MTF2: variants seen among roughly 807,000 people sequenced by gnomAD.
The protein encoded by MTF2 is metal response element binding transcription factor 2, also known as metal-response element-binding transcription factor 2.
A neutral mutation model predicts 79.5 loss-of-function variants in MTF2; 11 were observed. The ratio of observed to expected loss-of-function variants is 0.14; its 90% CI spans 0.09 to 0.23. MTF2 has a LOEUF of 0.23. Ranked by LOEUF, MTF2 falls within the 10% of genes least tolerant of loss-of-function variation. The pLI is 1.00. For missense variants in MTF2, 486 were observed against 711.2 expected (o/e 0.68, Z 3.60); for synonymous variants, 208 against 232.8 (o/e 0.89, Z 0.97).
chr1:93,134,169 C>T lies in MTF2; in HGVS notation c.1398C>T (p.Thr466=). ...GTGCTTCCAGTGCAAAAGAAACTAC[C>T]TCGTCTAGCATTTCCAGGCATTATG... ...FTGASSAKET[T]SSSISRHYGL... The change falls in exon 14 of 15, where the codon ACC becomes ACT. Residue 466 remains threonine, a synonymous_variant. Transcript: ENST00000370298. The T allele has an allele frequency of 1.2e-6, 2 of 1,611,842 alleles. No individual in the cohort carries two copies. The highest frequency in any genetic ancestry group is 8.5e-7 in the Non-Finnish European group (1 of 1,178,330).
chr1:93,129,632 T>A (rs1656840045), intron 11 of MTF2, among the ~76,000 whole-genome samples, 184 bp downstream of exon 11: 2 of 151,894 alleles, frequency 1.3e-5, no homozygotes, highest in South Asian at 4.2e-4. Flanking sequence ...CAGATGCTTG[T>A]TTATTTATTT....
At chr1:93,115,414 A>T in intron 5 of MTF2, 56 bp from the exon 6 acceptor site, 20 of 1,264,940 alleles carry the variant, frequency 1.6e-5, no homozygotes, top group East Asian at 2.5e-5. Flanking sequence ...TAAAGTATAG[A>T]ATTGTGTTTA....
intron 1 of MTF2, among the ~76,000 whole-genome samples, chr1:93,102,396 T>G (rs548543846): frequency 1.3e-5 from 2 of 151,818 alleles, no homozygotes; most frequent in South Asian, 2.1e-4. Context: ...CTCAGGAGTT[T>G]GAGACCTGCT....
At chr1:93,108,116 A>G (rs1655879740) in intron 1 of MTF2, among the ~76,000 whole-genome samples, 2 of 152,130 alleles carry the variant, frequency 1.3e-5, no homozygotes, top group South Asian at 2.1e-4. Flanking sequence ...TTTTGCTCCT[A>G]CATACTTCCT....
intron 8 of MTF2, 117 bp downstream of exon 8, chr1:93,119,518 T>C: frequency 1.5e-6 from 1 of 678,358 alleles, no homozygotes; most frequent in Non-Finnish European, 2.4e-6. Context: ...ATGCTTGGCT[T>C]TATTTCTTTT....
rs139839066 is a variant in MTF2 at position 93,095,290 on chromosome 1, G to A, written c.6-14940G>A. Among the ~76,000 whole-genome samples, 726 of 152,140 alleles carry A rather than the reference G, an allele frequency of 4.8e-3. 8 individuals are homozygous for A. Among genetic ancestry groups the A allele is most frequent in the African/African-American group, 0.017 (686 of 41,514 alleles). The stretch of plus-strand genomic sequence containing the variant: ...TTCTTGCCTCAAGTGATCCTCACCT[G>A]GCTTCCAAGTGTCCTTTTATACCAA... On this transcript the variant is annotated intron_variant, in intron 1 of 14. Coordinates refer to ENST00000370298, the MANE Select transcript of MTF2 (RefSeq NM_007358.4).
intron 7 of MTF2, 143 bp downstream of exon 7, chr1:93,118,583 C>T (rs956733171): frequency 1.9e-6 from 1 of 521,388 alleles, no homozygotes; most frequent in African/African-American, 2.0e-5. Flanking sequence ...AAATAATATA[C>T]TTAAAATATA....
chr1:93,118,449 G>A lies in MTF2; in HGVS notation c.728+9G>A, dbSNP rs150266251. ...ATGCTATTTGGAGACAGGTGAGAAG[G>A]GCATTTGAACTTTACTGGCTGATTT... On this transcript the variant is annotated intron_variant, in intron 7 of 14. Transcript: ENST00000370298. The A allele has an allele frequency of 2.4e-3, 3,670 of 1,559,108 alleles. 65 individuals are homozygous for A. In the African/African-American group the frequency reaches 0.04, roughly 17 times the overall value.
At chr1:93,101,366 CTTTTTTTTTTTTT>C (rs71586777) in intron 1 of MTF2, among the ~76,000 whole-genome samples, 12 of 108,608 alleles carry the variant, frequency 1.1e-4, no homozygotes, top group African/African-American at 3.6e-4. Flanking sequence ...CTATCTTAAC[CTTTTTTTTTTTTT>C]TTTTTTTTTT....
chr1:93,105,143 C>A (rs1331329100), intron 1 of MTF2, among the ~76,000 whole-genome samples: 872 of 110,392 alleles, frequency 7.9e-3, no homozygotes, highest in East Asian at 0.011. Flanking sequence ...GACTCCGTCT[C>A]AAAAAAAAAA....
At chr1:93,097,579 C>G (rs551826628) in intron 1 of MTF2, among the ~76,000 whole-genome samples, 1 of 152,004 alleles carries the variant, frequency 6.6e-6, no homozygotes, top group African/African-American at 2.4e-5. Flanking sequence ...CCAATTTCTT[C>G]GTGGCCTGAT....
chr1:93,083,327 G>A (rs751422355), intron 1 of MTF2, among the ~76,000 whole-genome samples: 5 of 152,124 alleles, frequency 3.3e-5, no homozygotes, highest in Admixed American at 6.5e-5. Context: ...ATATTTGGGC[G>A]GGCACACAAA....
chr1:93,129,167 T>G, intron 10 of MTF2, 111 bp from the exon 11 acceptor site: 1 of 645,070 alleles, frequency 1.6e-6, no homozygotes, highest in Non-Finnish European at 2.4e-6. Context: ...ATTTTTGTAG[T>G]ATTGGGTGGG....
intron 1 of MTF2, among the ~76,000 whole-genome samples, chr1:93,079,807 C>G (rs1352444904): frequency 6.9e-6 from 1 of 144,464 alleles, no homozygotes; most frequent in Non-Finnish European, 1.5e-5. Flanking sequence ...GACGGGGAAG[C>G]TGTGTTTGGA....
At chr1:93,109,491 G>A (rs6677862) in intron 1 of MTF2, among the ~76,000 whole-genome samples, 12,519 of 151,930 alleles carry the variant, frequency 0.082, 1,682 homozygotes, top group African/African-American at 0.29. Context: ...GTACCACCAC[G>A]CCCGGCTAAT....
intron 10 of MTF2, 78 bp from the exon 11 acceptor site, chr1:93,129,200 A>G: frequency 3.0e-6 from 3 of 1,009,642 alleles, no homozygotes; most frequent in Admixed American, 6.2e-5. Flanking sequence ...AGGGCCTTAT[A>G]TATGAAAGTT....
Position 93,121,170 on chromosome 1 carries a change from C to T in MTF2, c.921+498C>T, listed in dbSNP as rs1656460746. ...CTGCCTGAATAGAAAATTATCCCCTCTCATTCTGACATCTCATTTTGCTTC... is the reference window on the plus strand; with the variant it reads ...CTGCCTGAATAGAAAATTATCCCCTTTCATTCTGACATCTCATTTTGCTTC... On this transcript the variant is annotated intron_variant, in intron 9 of 14. Transcript: ENST00000370298. 5.1e-6 allele frequency: 5 copies of T among 984,428 alleles called. No homozygotes were observed. The South Asian group carries it at 2.4e-4, about 46-fold the overall frequency. The allele number at this position is 984,428 out of a possible 1,614,324, so 61.0% of individuals were successfully genotyped here.
chr1:93,117,824 G>A (rs2101069279), intron 6 of MTF2, among the ~76,000 whole-genome samples: 1 of 152,102 alleles, frequency 6.6e-6, no homozygotes, highest in Middle Eastern at 3.4e-3. Context: ...CCCAGGAATT[G>A]GAGACCAGCT....
At chr1:93,087,775 A>G (rs1044708314) in intron 1 of MTF2, among the ~76,000 whole-genome samples, 2 of 152,194 alleles carry the variant, frequency 1.3e-5, no homozygotes, top group African/African-American at 4.8e-5. Flanking sequence ...CAGAAATAGT[A>G]TCACTTAACT....
Sources: gnomAD v4.1 joint callset for allele counts (sites outside exome capture counted in the v4.1 genomes callset) on GRCh38, gnomAD v4.1.1 for gene constraint, MANE v1.5 for transcripts, NCBI Gene and HGNC (gene_info 2026-07-23, HGNC 2026-07-21) for gene names.